Variants in FHIT observed in about 807,000 individuals in gnomAD.
The protein encoded by FHIT is bis(5'-adenosyl)-triphosphatase.
In FHIT, 19 loss-of-function variants were observed where a neutral mutation model predicts 17.9. That is an observed-to-expected ratio of 1.06 (90% CI 0.74 to 1.56). FHIT has a LOEUF of 1.56. Ranked by LOEUF, FHIT falls within the 40% of genes most tolerant of loss-of-function variation. The pLI is 0.00. For missense variants in FHIT, 248 were observed against 189.2 expected, an observed-to-expected ratio of 1.31 and a Z score of -1.82; for synonymous variants, 81 against 69.7, an observed-to-expected ratio of 1.16 and a Z score of -0.81.
intron 3 of FHIT, among the ~76,000 whole-genome samples, chr3:60,970,546 T>C (rs1202179385): frequency 6.6e-6 from 1 of 152,166 alleles, no homozygotes; most frequent in Non-Finnish European, 1.5e-5. Flanking sequence ...ATTCTCTTTT[T>C]GTCTTCAATT....
intron 5 of FHIT, among the ~76,000 whole-genome samples, chr3:60,318,604 TC>T (rs1709275049): frequency 1.3e-5 from 2 of 152,170 alleles, no homozygotes; most frequent in African/African-American, 4.8e-5. Context: ...ATGACTGACA[TC>T]CTGATCATGT....
At chr3:59,822,851 G>C (rs540930125) in intron 8 of FHIT, among the ~76,000 whole-genome samples, 1 of 152,164 alleles carries the variant, frequency 6.6e-6, no homozygotes, top group East Asian at 1.9e-4. Context: ...TTGCTTTTGG[G>C]TTCTTGGTCA....
chr3:61,161,961 G>A (rs1054711135), intron 2 of FHIT, among the ~76,000 whole-genome samples: 6 of 152,166 alleles, frequency 3.9e-5, no homozygotes, highest in Non-Finnish European at 7.3e-5. Context: ...GAAAAAACGG[G>A]ATGATTTTTT....
chr3:59,999,655 A>T (rs1699652472), intron 7 of FHIT, among the ~76,000 whole-genome samples: 1 of 152,124 alleles, frequency 6.6e-6, no homozygotes, highest in African/African-American at 2.4e-5. Flanking sequence ...TTCAGGCTGG[A>T]GTGCAGTGGT....
chr3:59,946,000 G>A (rs1706783358), intron 7 of FHIT, among the ~76,000 whole-genome samples: 1 of 152,146 alleles, frequency 6.6e-6, no homozygotes, highest in South Asian at 2.1e-4. Context: ...GACTGCTTTG[G>A]CTATTCTGGC....
chr3:59,867,427 C>T (rs1217098732), intron 8 of FHIT, among the ~76,000 whole-genome samples: 1 of 152,004 alleles, frequency 6.6e-6, no homozygotes, highest in African/African-American at 2.4e-5. Context: ...TAAATGAAAT[C>T]TCAAGACAGA....
At chr3:61,028,914 A>C (rs946849291) in intron 3 of FHIT, among the ~76,000 whole-genome samples, 2 of 151,646 alleles carry the variant, frequency 1.3e-5, no homozygotes, top group East Asian at 3.9e-4. Flanking sequence ...AAAAAAAAAC[A>C]GAGATTACAT....
intron 3 of FHIT, among the ~76,000 whole-genome samples, chr3:60,947,553 G>A (rs2107444879): frequency 6.6e-6 from 1 of 152,282 alleles, no homozygotes; most frequent in African/African-American, 2.4e-5. Flanking sequence ...CCCAAATGAA[G>A]TAAAAGTATT....
chr3:59,961,729 C>G (rs1298260138), intron 7 of FHIT, among the ~76,000 whole-genome samples: 1 of 152,214 alleles, frequency 6.6e-6, no homozygotes, highest in Non-Finnish European at 1.5e-5. Flanking sequence ...CCCCTCGCCC[C>G]CTGTGGGCTG....
At chr3:59,912,990 G>C (rs909371010) in intron 8 of FHIT, among the ~76,000 whole-genome samples, 3 of 152,218 alleles carry the variant, frequency 2.0e-5, no homozygotes, top group Non-Finnish European at 4.4e-5. Flanking sequence ...TTAGAAGCTT[G>C]GCTAGAGCAT....
chr3:60,489,513 A>G (rs2033976047), intron 5 of FHIT, among the ~76,000 whole-genome samples: 1 of 152,142 alleles, frequency 6.6e-6, no homozygotes. Flanking sequence ...TGTTTGGCCT[A>G]AGGAGCCTAT....
chr3:60,644,426 G>T (rs782079084), intron 4 of FHIT, among the ~76,000 whole-genome samples: 5 of 152,108 alleles, frequency 3.3e-5, no homozygotes, highest in Non-Finnish European at 5.9e-5. Context: ...GAAAAAAATG[G>T]TTCTATTAAT....
At chr3:59,794,566 C>G (rs143850719) in intron 8 of FHIT, among the ~76,000 whole-genome samples, 1 of 152,164 alleles carries the variant, frequency 6.6e-6, no homozygotes, top group Non-Finnish European at 1.5e-5. Flanking sequence ...TTATATGTAT[C>G]GCCTCTTTTA....
chr3:60,726,974 T>G (rs1465627359), intron 4 of FHIT, among the ~76,000 whole-genome samples: 1 of 152,232 alleles, frequency 6.6e-6, no homozygotes, highest in African/African-American at 2.4e-5. Flanking sequence ...CTGTCTTCAA[T>G]ATATTTATAA....
chr3:60,282,508 A>G (rs1441298969), intron 5 of FHIT, among the ~76,000 whole-genome samples: 1 of 152,186 alleles, frequency 6.6e-6, no homozygotes, highest in Non-Finnish European at 1.5e-5. Context: ...GACAATATGC[A>G]TCTGTAAAAC....
intron 8 of FHIT, among the ~76,000 whole-genome samples, chr3:59,807,828 G>A (rs1056425849): frequency 2.6e-5 from 4 of 152,184 alleles, no homozygotes; most frequent in Non-Finnish European, 4.4e-5. Flanking sequence ...AACGTGGGCC[G>A]TGGAAAAGGA....
At chr3:59,970,539 G>T (rs1244385493) in intron 7 of FHIT, among the ~76,000 whole-genome samples, 1 of 152,042 alleles carries the variant, frequency 6.6e-6, no homozygotes, top group Non-Finnish European at 1.5e-5. Flanking sequence ...TTTTTATAAG[G>T]GTTGGCTTAC....
chr3:60,280,503 G>A (rs1707378523), intron 5 of FHIT, among the ~76,000 whole-genome samples: 1 of 152,088 alleles, frequency 6.6e-6, no homozygotes, highest in African/African-American at 2.4e-5. Flanking sequence ...TAAGGTAGAG[G>A]CAAAGGTGAA....
chr3:60,058,100 G>A (rs1702153234), intron 5 of FHIT, among the ~76,000 whole-genome samples: 1 of 149,708 alleles, frequency 6.7e-6, no homozygotes, highest in Non-Finnish European at 1.5e-5. Flanking sequence ...CGGGGAATAG[G>A]GAGTTATTGT....
Sources: allele counts gnomAD v4.1 joint callset (sites outside exome capture counted in the v4.1 genomes callset), GRCh38; gene constraint gnomAD v4.1.1; transcripts MANE v1.5; gene names NCBI Gene and HGNC (gene_info 2026-07-23, HGNC 2026-07-21).